The following GALNT13 variants were observed in gnomAD, a reference collection of about 807,000 sequenced individuals.
GALNT13 encodes the protein UDP-GalNAc:polypeptide N-acetylgalactosaminyltransferase 13.
Under a neutral mutation model 64.2 loss-of-function variants are expected in GALNT13, and 28 were observed. The ratio of observed to expected loss-of-function variants is 0.44; its 90% confidence interval spans 0.32 to 0.60. GALNT13 has a LOEUF of 0.60. Among genes scored for constraint, GALNT13 ranks in the 20% least tolerant of loss-of-function variants. The pLI is 0.05. For synonymous variants in GALNT13, 214 were observed against 224.6 expected, an observed-to-expected ratio of 0.95 and a Z score of 0.42; for missense variants, 577 against 669.8, an observed-to-expected ratio of 0.86 and a Z score of 1.53.
chr2:153,153,312 T>C, the GALNT13 span, among the ~76,000 whole-genome samples: 1 of 152,044 alleles, frequency 6.6e-6, no homozygotes, highest in Non-Finnish European at 1.5e-5. Context: ...CTTTGTTGGG[T>C]GCCATAGTTT....
chr2:153,261,254 G>A, the GALNT13 span, among the ~76,000 whole-genome samples: 90 of 152,170 alleles, frequency 5.9e-4, no homozygotes, highest in Non-Finnish European at 9.0e-4. Context: ...GTATTGTCTT[G>A]ATGCTTATGG....
intron 3 of GALNT13, among the ~76,000 whole-genome samples, chr2:154,024,339 G>C (rs12988989): frequency 0.76 from 115,914 of 151,594 alleles, 44,688 homozygotes; most frequent in East Asian, 0.96. Flanking sequence ...ACACCAATCA[G>C]ACATAGATTT....
chr2:154,148,234 G>T (rs1449350991), intron 4 of GALNT13, among the ~76,000 whole-genome samples: 1 of 151,748 alleles, frequency 6.6e-6, no homozygotes, highest in African/African-American at 2.4e-5. Flanking sequence ...TTTCATCCAT[G>T]TCCCTACAAA....
chr2:153,678,054 C>G, the GALNT13 span, among the ~76,000 whole-genome samples: 1 of 122,984 alleles, frequency 8.1e-6, no homozygotes, highest in African/African-American at 2.8e-5. Context: ...TAAAGATATT[C>G]TGCTAAGTGA....
At chr2:153,558,404 G>A in the GALNT13 span, among the ~76,000 whole-genome samples, 1 of 152,172 alleles carries the variant, frequency 6.6e-6, no homozygotes, top group African/African-American at 2.4e-5. Flanking sequence ...GGCAGCAGCA[G>A]CTTAAGAAGA....
the GALNT13 span, among the ~76,000 whole-genome samples, chr2:153,383,220 C>A: frequency 6.6e-6 from 1 of 151,910 alleles, no homozygotes; most frequent in Admixed American, 6.6e-5. Flanking sequence ...GCACATATTA[C>A]AATAAGATAG....
At chr2:153,699,094 T>A in the GALNT13 span, among the ~76,000 whole-genome samples, 2 of 152,184 alleles carry the variant, frequency 1.3e-5, no homozygotes, top group South Asian at 4.2e-4. Flanking sequence ...CATGGAGGTG[T>A]GTGCCTGTTC....
At chr2:153,356,209 A>T in the GALNT13 span, among the ~76,000 whole-genome samples, 1 of 152,232 alleles carries the variant, frequency 6.6e-6, no homozygotes, top group East Asian at 1.9e-4. Context: ...AGTCACCCCA[A>T]AGAAATTCAG....
chr2:153,739,937 C>G, the GALNT13 span, among the ~76,000 whole-genome samples: 20 of 151,824 alleles, frequency 1.3e-4, no homozygotes, highest in Non-Finnish European at 2.2e-4. Flanking sequence ...ATAGAACTCA[C>G]CAATGAGAAT....
At chr2:153,479,097 G>C in the GALNT13 span, among the ~76,000 whole-genome samples, 3 of 152,214 alleles carry the variant, frequency 2.0e-5, no homozygotes, top group African/African-American at 4.8e-5. Context: ...GGTGCGGTCA[G>C]CTGAAAGTTT....
intron 6 of GALNT13, among the ~76,000 whole-genome samples, chr2:154,244,812 T>G (rs2105875926): frequency 6.6e-6 from 1 of 152,238 alleles, no homozygotes; most frequent in African/African-American, 2.4e-5. Flanking sequence ...AACACCAACC[T>G]TTCTCTTACT....
At chr2:153,087,321 G>A in the GALNT13 span, among the ~76,000 whole-genome samples, 48 of 151,966 alleles carry the variant, frequency 3.2e-4, no homozygotes, top group Non-Finnish European at 5.1e-4. Context: ...TGCATCCCTC[G>A]TATGAAACCC....
intron 10 of GALNT13, among the ~76,000 whole-genome samples, chr2:154,403,661 A>G (rs1200080980): frequency 6.6e-6 from 1 of 152,158 alleles, no homozygotes; most frequent in African/African-American, 2.4e-5. Flanking sequence ...CTAAGCATAA[A>G]GAATACTTTG....
chr2:154,022,493 A>G (rs879650517), intron 3 of GALNT13, among the ~76,000 whole-genome samples: 8 of 152,150 alleles, frequency 5.3e-5, no homozygotes, highest in Admixed American at 1.3e-4. Flanking sequence ...GGAGGTGTTT[A>G]TAGTATTCTC....
chr2:153,147,203 G>A, the GALNT13 span, among the ~76,000 whole-genome samples: 2 of 151,802 alleles, frequency 1.3e-5, no homozygotes, highest in African/African-American at 4.8e-5. Context: ...TTCCTGCTGT[G>A]CTTATTTTCT....
At chr2:153,694,224 G>A in the GALNT13 span, among the ~76,000 whole-genome samples, 3 of 152,150 alleles carry the variant, frequency 2.0e-5, no homozygotes, top group Non-Finnish European at 4.4e-5. Context: ...TCGGCCTAGC[G>A]AGTTTGGGGT....
At chr2:153,515,284 C>T in the GALNT13 span, among the ~76,000 whole-genome samples, 1 of 152,178 alleles carries the variant, frequency 6.6e-6, no homozygotes, top group Non-Finnish European at 1.5e-5. Flanking sequence ...GATGACCCCA[C>T]CTCTCTGCCG....
the GALNT13 span, among the ~76,000 whole-genome samples, chr2:153,191,819 TTTC>T: frequency 6.6e-6 from 1 of 152,060 alleles, no homozygotes; most frequent in Non-Finnish European, 1.5e-5. Context: ...AATTTATCTA[TTTC>T]TTCTAGATTT....
At chr2:153,538,538 C>G in the GALNT13 span, among the ~76,000 whole-genome samples, 231 of 52,968 alleles carry the variant, frequency 4.4e-3, no homozygotes, top group East Asian at 6.6e-3. Flanking sequence ...CTATCCCTCC[C>G]CCCTCCCCCC....
Sources: gnomAD v4.1 joint callset for allele counts (sites outside exome capture counted in the v4.1 genomes callset) on GRCh38, gnomAD v4.1.1 for gene constraint, MANE v1.5 for transcripts, NCBI Gene and HGNC (gene_info 2026-07-23, HGNC 2026-07-21) for gene names.